Variants in HS2ST1 observed in about 807,000 individuals in gnomAD.
HS2ST1 encodes heparan sulfate 2-O-sulfotransferase 1, also known as 2-O-sulfotransferase.
A neutral mutation model predicts 42.9 loss-of-function variants in HS2ST1; 18 were observed. The ratio of observed to expected loss-of-function variants is 0.42; its 90% CI spans 0.29 to 0.62. The LOEUF (loss-of-function observed/expected upper bound fraction) is 0.62. Among genes scored for constraint, HS2ST1 ranks in the 20% least tolerant of loss-of-function variants. The probability of loss-of-function intolerance (pLI) is 0.21; values close to 1 mark genes in which losing one functional copy is unlikely to be tolerated. For synonymous variants in HS2ST1, 146 were observed against 152.9 expected, an observed-to-expected ratio of 0.95 and a Z score of 0.33; for missense variants, 334 against 433.8, an observed-to-expected ratio of 0.77 and a Z score of 2.04.
Position 87,084,757 on chromosome 1 carries a change from T to A in HS2ST1, c.449+478T>A, listed in dbSNP as rs537533929. 8.8e-4 allele frequency among the ~76,000 whole-genome samples: 134 copies of A among 151,982 alleles called. 1 individual carries two copies. The highest frequency in any genetic ancestry group is 3.0e-3 in the African/African-American group (126 of 41,422). ...TATTACGAGGCTTTTTTAAAAAAAATTCATGATTTCCTCTCTCACCCCCCC... is the reference window on the plus strand; with the variant it reads ...TATTACGAGGCTTTTTTAAAAAAAAATCATGATTTCCTCTCTCACCCCCCC... On this transcript the variant is annotated intron_variant, in intron 3 of 6. Transcript: ENST00000370550.
chr1:87,091,831 G>A (rs1651952630), intron 3 of HS2ST1, among the ~76,000 whole-genome samples: 1 of 152,034 alleles, frequency 6.6e-6, no homozygotes, highest in South Asian at 2.1e-4. Flanking sequence ...GGTTGCTAAA[G>A]TAAAATTCTT....
chr1:87,041,340 T>TCATG (rs1469419151), intron 1 of HS2ST1, among the ~76,000 whole-genome samples: 2 of 151,242 alleles, frequency 1.3e-5, no homozygotes, highest in African/African-American at 4.9e-5. Flanking sequence ...TGAGCTCTGA[T>TCATG]CATGCCACTG....
At chr1:86,967,862 A>G (rs1475965271) in intron 1 of HS2ST1, among the ~76,000 whole-genome samples, 1 of 152,160 alleles carries the variant, frequency 6.6e-6, no homozygotes, top group Non-Finnish European at 1.5e-5. Flanking sequence ...TTAGTTCTTT[A>G]AGGAATCTCC....
chr1:87,019,691 A>G (rs1649860821), intron 1 of HS2ST1, among the ~76,000 whole-genome samples: 1 of 152,202 alleles, frequency 6.6e-6, no homozygotes. Flanking sequence ...CATCTGTTCA[A>G]GTACAATAGT....
At chr1:86,916,540 G>T (rs1660162015) in intron 1 of HS2ST1, among the ~76,000 whole-genome samples, 1 of 152,174 alleles carries the variant, frequency 6.6e-6, no homozygotes, top group Admixed American at 6.5e-5. Context: ...ACTAAAGTTG[G>T]AGGAAAACTA....
At chr1:86,965,783 A>T (rs1026284013) in intron 1 of HS2ST1, among the ~76,000 whole-genome samples, 8 of 152,202 alleles carry the variant, frequency 5.3e-5, no homozygotes, top group African/African-American at 1.2e-4. Flanking sequence ...ATGGATTTTT[A>T]AAAAATAGCA....
chr1:86,962,233 G>A (rs1647868668), intron 1 of HS2ST1, among the ~76,000 whole-genome samples: 2 of 152,126 alleles, frequency 1.3e-5, no homozygotes, highest in Admixed American at 1.3e-4. Flanking sequence ...GGGTATGTAC[G>A]GAATTTTGTT....
chr1:86,968,775 C>A (rs531128985), intron 1 of HS2ST1, among the ~76,000 whole-genome samples: 3 of 151,886 alleles, frequency 2.0e-5, no homozygotes, highest in Admixed American at 6.6e-5. Context: ...TTACTTTAAT[C>A]ATTTGTTTAA....
Position 87,109,863 on chromosome 1 carries a change from G to T in HS2ST1, c.*5167G>T, listed in dbSNP as rs1055571493. On this transcript the variant is annotated 3_prime_UTR_variant, in exon 7 of 7. Coordinates refer to ENST00000370550, the MANE Select transcript of HS2ST1 (RefSeq NM_012262.4). ...TGATGTATGCAAAGTACTGGCCAGGGTAGACTAATAACTGATGGCATTTAT... is the reference window on the plus strand; with the variant it reads ...TGATGTATGCAAAGTACTGGCCAGGTTAGACTAATAACTGATGGCATTTAT... 1.3e-5 allele frequency: 2 copies of T among 152,062 alleles called. No individual in the cohort carries two copies. Among genetic ancestry groups the T allele is most frequent in the Non-Finnish European group, 2.9e-5 (2 of 67,980 alleles). 9.4% of individuals were successfully genotyped at this position (152,062 alleles called of 1,614,324 possible).
At position 87,026,775 on chromosome 1, in the gene HS2ST1, A is replaced by G. The variant is rs139691149; in HGVS notation, c.125-46159A>G. ...TGGCAACATAAAACTAGGGTCTTCAATTACCAGCTTAAAAAAAGAAGATAT... is the reference window on the plus strand; with the variant it reads ...TGGCAACATAAAACTAGGGTCTTCAGTTACCAGCTTAAAAAAAGAAGATAT... On this transcript the variant is annotated intron_variant, in intron 1 of 6. Coordinates refer to ENST00000370550, the MANE Select transcript of HS2ST1 (RefSeq NM_012262.4). Among the ~76,000 whole-genome samples the G allele has an allele frequency of 4.6e-3, 703 of 152,248 alleles. 4 individuals carry two copies. Among genetic ancestry groups the G allele is most frequent in the Middle Eastern group, 0.02 (6 of 294 alleles).
At chr1:86,974,933 A>G (rs971471387) in intron 1 of HS2ST1, among the ~76,000 whole-genome samples, 1 of 152,128 alleles carries the variant, frequency 6.6e-6, no homozygotes, top group African/African-American at 2.4e-5. Context: ...TTGATTATCT[A>G]TGGAGTTTGA....
At chr1:86,970,218 CAA>C (rs1326467725) in intron 1 of HS2ST1, among the ~76,000 whole-genome samples, 2 of 151,494 alleles carry the variant, frequency 1.3e-5, no homozygotes, top group Non-Finnish European at 2.9e-5. Context: ...TTCATCCTAA[CAA>C]TGCACATTTT....
intron 1 of HS2ST1, among the ~76,000 whole-genome samples, chr1:87,021,932 ACTT>A (rs1244302813): frequency 1.3e-5 from 2 of 152,196 alleles, no homozygotes; most frequent in East Asian, 3.8e-4. Context: ...ATTATTTCCT[ACTT>A]CTTATGTAGT....
At chr1:87,101,669 A>C in intron 5 of HS2ST1, among the ~76,000 whole-genome samples, 1 of 152,176 alleles carries the variant, frequency 6.6e-6, no homozygotes, top group East Asian at 1.9e-4. Flanking sequence ...GTCTCGACTT[A>C]AGAAATTTCA....
chr1:86,973,415 A>C (rs2102211945), intron 1 of HS2ST1, among the ~76,000 whole-genome samples: 1 of 152,240 alleles, frequency 6.6e-6, no homozygotes, highest in East Asian at 1.9e-4. Flanking sequence ...AGTATCACCT[A>C]ATAGTAGGCC....
At chr1:87,025,010 TA>T (rs1242209342) in intron 1 of HS2ST1, among the ~76,000 whole-genome samples, 1 of 152,246 alleles carries the variant, frequency 6.6e-6, no homozygotes, top group African/African-American at 2.4e-5. Flanking sequence ...GTAGAGACTG[TA>T]ACAGCCATGA....
At chr1:86,920,479 T>C (rs1393701514) in intron 1 of HS2ST1, among the ~76,000 whole-genome samples, 1 of 149,536 alleles carries the variant, frequency 6.7e-6, no homozygotes, top group African/African-American at 2.5e-5. Flanking sequence ...AGGAATACAG[T>C]TATTCTAGAA....
chr1:87,090,329 C>T lies in HS2ST1; in HGVS notation c.450-2202C>T, dbSNP rs77735433. 2.9e-3 allele frequency among the ~76,000 whole-genome samples: 435 copies of T among 151,924 alleles called. 1 individual carries two copies. The highest frequency in any genetic ancestry group is 9.8e-3 in the African/African-American group (408 of 41,458). ...CCCGGTGGAACTTCTACTCTAATAC[C>T]GAATGTGACAGTGCTATGTATTTGC... On this transcript the variant is annotated intron_variant, in intron 3 of 6. Coordinates refer to ENST00000370550, the MANE Select transcript of HS2ST1 (RefSeq NM_012262.4).
chr1:87,077,867 T>C (rs941185428), intron 2 of HS2ST1, among the ~76,000 whole-genome samples: 56 of 152,054 alleles, frequency 3.7e-4, no homozygotes, highest in African/African-American at 1.2e-3. Flanking sequence ...CTCAGGTGGA[T>C]TGGGAACCAG....
Sources: gnomAD v4.1 joint callset for allele counts (sites outside exome capture counted in the v4.1 genomes callset) on GRCh38, gnomAD v4.1.1 for gene constraint, MANE v1.5 for transcripts, NCBI Gene and HGNC (gene_info 2026-07-23, HGNC 2026-07-21) for gene names.